Variants in MLXIP observed in about 807,000 individuals in gnomAD.
MLXIP encodes the protein MLX interacting protein.
Under a neutral mutation model 87.2 loss-of-function variants are expected in MLXIP, and 30 were observed. The observed-to-expected ratio is 0.34, with a 90% CI of 0.26 to 0.47. The LOEUF (loss-of-function observed/expected upper bound fraction) is 0.47, where lower values mean the gene tolerates loss of function less well. Ranked by LOEUF, MLXIP falls within the 20% of genes least tolerant of loss-of-function variation. The pLI is 1.00. For synonymous variants in MLXIP, 530 were observed against 514.0 expected, an observed-to-expected ratio of 1.03 and a Z score of -0.42; for missense variants, 1,002 against 1,240.1, an observed-to-expected ratio of 0.81 and a Z score of 2.88.
chr12:122,136,718 G>T (rs1170571332), intron 11 of MLXIP: 1 of 152,198 alleles, frequency 6.6e-6, no homozygotes, highest in Non-Finnish European at 1.5e-5. Context: ...ATGAGGGAGG[G>T]TCTCTGACTT....
chr12:122,080,439 A>G (rs566257463), intron 1 of MLXIP, among the ~76,000 whole-genome samples: 1 of 152,324 alleles, frequency 6.6e-6, no homozygotes, highest in African/African-American at 2.4e-5. Context: ...AAGCATATCC[A>G]GGTTTAAATG....
intron 1 of MLXIP, among the ~76,000 whole-genome samples, chr12:122,099,979 C>T (rs1240357225): frequency 2.6e-5 from 4 of 152,058 alleles, no homozygotes; most frequent in Admixed American, 6.6e-5. Flanking sequence ...GGTTATACCC[C>T]GACATTTGAA....
chr12:122,078,790 T>A lies in MLXIP; in HGVS notation c.-64T>A. On this transcript the variant is annotated 5_prime_UTR_variant, in exon 1 of 17. Coordinates refer to ENST00000319080, the MANE Select transcript of MLXIP (RefSeq NM_014938.6). ...GCGGGCCGGGCCGGGCCGGCGCCCC[T>A]CTGCCTCGCGCGCTTGTCGCGTTGC... 6.9e-6 allele frequency: 7 copies of A among 1,017,800 alleles called. No individual in the cohort carries two copies. The highest frequency in any genetic ancestry group is 8.2e-6 in the Non-Finnish European group (7 of 854,062). 63.0% of individuals were successfully genotyped at this position (1,017,800 alleles called of 1,614,324 possible).
At chr12:122,112,575 A>G (rs1471673222) in intron 1 of MLXIP, among the ~76,000 whole-genome samples, 1 of 151,838 alleles carries the variant, frequency 6.6e-6, no homozygotes, top group East Asian at 1.9e-4. Context: ...TGAACCCAGG[A>G]GGCAGAGCTT....
chr12:122,097,528 G>A (rs1565962212), intron 1 of MLXIP, among the ~76,000 whole-genome samples: 2 of 151,782 alleles, frequency 1.3e-5, no homozygotes, highest in Non-Finnish European at 2.9e-5. Context: ...GCTGAGGCGG[G>A]AGGATCTCTT....
chr12:122,087,815 T>C (rs1201074653), intron 1 of MLXIP, among the ~76,000 whole-genome samples: 1 of 152,142 alleles, frequency 6.6e-6, no homozygotes, highest in Non-Finnish European at 1.5e-5. Context: ...AGCCTCAGAC[T>C]AGGACGGTAG....
chr12:122,111,588 G>T (rs957243938), intron 1 of MLXIP, among the ~76,000 whole-genome samples: 1 of 152,204 alleles, frequency 6.6e-6, no homozygotes, highest in Non-Finnish European at 1.5e-5. Context: ...TTTGGTCAGG[G>T]TGAGGGTGGC....
In MLXIP at chr12:122,142,647, G is replaced by C. The variant is rs570400428; in HGVS notation, c.*835G>C. 1 of 278,448 alleles carries C rather than the reference G, an allele frequency of 3.6e-6. No individual in the cohort carries two copies. The highest frequency in any genetic ancestry group is 3.8e-5 in the South Asian group (1 of 26,034). The allele number at this position is 278,448 out of a possible 1,614,324, so 17.2% of individuals were successfully genotyped here. On this transcript the variant is annotated 3_prime_UTR_variant, in exon 17 of 17. Transcript: ENST00000319080. ...TCTCCACTTGGCTCCAGCTGCAGCT[G>C]TTGACAGATCAAGCATGTCCTGTGG...
At chr12:122,094,050 G>A (rs1373272475) in intron 1 of MLXIP, among the ~76,000 whole-genome samples, 1 of 147,068 alleles carries the variant, frequency 6.8e-6, no homozygotes, top group African/African-American at 2.5e-5. Context: ...TGTGTGGTGT[G>A]TGTGGTGGGT....
chr12:122,089,210 G>GAAGAAC lies in MLXIP; in HGVS notation c.413+9945_413+9950dup, dbSNP rs201637167. Among the ~76,000 whole-genome samples, 455 of 152,112 alleles carry GAAGAAC rather than the reference G, an allele frequency of 3.0e-3. 6 individuals carry two copies. Among genetic ancestry groups the GAAGAAC allele is most frequent in the East Asian group, 0.023 (117 of 5,168 alleles). On this transcript the variant is annotated intron_variant, in intron 1 of 16. Coordinates refer to ENST00000319080, the MANE Select transcript of MLXIP (RefSeq NM_014938.6). ...AGCAAACAAACAAATAGAACAGCCT[G>GAAGAAC]AAGAACCTCTTCATATGGTTACATG...
Position 122,135,034 on chromosome 12 carries a change from C to G in MLXIP, c.1733-190C>G, listed in dbSNP as rs1323572132. On this transcript the variant is annotated intron_variant, in intron 9 of 16. Coordinates refer to ENST00000319080, the MANE Select transcript of MLXIP (RefSeq NM_014938.6). This position sits in a 1 kb window ranked among gnomAD's most constrained non-coding sequence, Gnocchi z 5.3. ...AGTGTGAAAACATGGTCCTGGCCAT[C>G]TCTTTCCTGGGTCTATAACATGTCT... is the stretch of plus-strand genomic sequence containing the variant. The G allele has an allele frequency of 1.6e-6, 1 of 638,976 alleles. No homozygotes were observed. The highest frequency in any genetic ancestry group is 1.8e-5 in the African/African-American group (1 of 55,096). The allele number at this position is 638,976 out of a possible 1,614,324, so 39.6% of individuals were successfully genotyped here. A position where few individuals can be genotyped will look rare whatever the true frequency, so the allele number is the denominator to read the frequency against.
In MLXIP at chr12:122,135,557, G is replaced by A. The variant is rs369340273; in HGVS notation, c.1923G>A (p.Pro641=). The A allele has an allele frequency of 4.6e-5, 73 of 1,602,488 alleles. No homozygotes were observed. In the African/African-American group the frequency reaches 5.0e-4, roughly 11 times the overall value. The change falls in exon 11 of 17, where the codon CCG becomes CCA. Residue 641 remains proline, a synonymous_variant. Transcript: ENST00000319080. The surrounding 1 kb of genome is among the most constrained non-coding windows in gnomAD (Gnocchi z 5.3). ...ATCTCGGCCATGGCACGAGCAGCCCGCCTGCCCCCGTCTCCCGGCTCTTCC... is the reference window on the plus strand; with the variant it reads ...ATCTCGGCCATGGCACGAGCAGCCCACCTGCCCCCGTCTCCCGGCTCTTCC... ...VTDLGHGTSS[P]PAPVSRLFPS... is the part of the protein sequence containing the mutation.
intron 7 of MLXIP, among the ~76,000 whole-genome samples, chr12:122,131,349 G>A (rs1952974391): frequency 6.7e-6 from 1 of 149,148 alleles, no homozygotes; most frequent in Admixed American, 6.7e-5. Flanking sequence ...CCTTTCTACA[G>A]AAAAAAAGGT....
chr12:122,094,065 G>T (rs1402201238), intron 1 of MLXIP, among the ~76,000 whole-genome samples: 1 of 142,862 alleles, frequency 7.0e-6, no homozygotes, highest in African/African-American at 2.6e-5. Context: ...GTGGGTTTGC[G>T]GTGTCTGGTG....
chr12:122,103,063 G>A (rs1029973790), intron 1 of MLXIP, among the ~76,000 whole-genome samples: 3 of 152,160 alleles, frequency 2.0e-5, no homozygotes, highest in African/African-American at 7.2e-5. Context: ...AAGTGCAGCG[G>A]CATGATCACG....
In MLXIP at chr12:122,145,430, A is replaced by C. The variant is rs1330459253; in HGVS notation, c.*3618A>C. On this transcript the variant is annotated 3_prime_UTR_variant, in exon 17 of 17. Transcript: ENST00000319080. ...GATTCTTAGAGGGCATGGCACCCCC[A>C]GTCCCTGCCCAGATAAAGTAGCACA... 1 of 152,318 alleles carries C rather than the reference A, an allele frequency of 6.6e-6. No homozygotes were observed. The highest frequency in any genetic ancestry group is 1.9e-4 in the East Asian group (1 of 5,200). 9.4% of individuals were successfully genotyped at this position (152,318 alleles called of 1,614,324 possible).
At position 122,137,491 on chromosome 12, in the gene MLXIP, G is replaced by A. The variant is rs748423072; in HGVS notation, c.2055G>A (p.Gly685=). Residue 685 remains glycine (G), a synonymous_variant, in exon 12 of 17, where the codon GGG becomes GGA. Coordinates refer to ENST00000319080, the MANE Select transcript of MLXIP (RefSeq NM_014938.6). This position sits in a 1 kb window ranked among gnomAD's most constrained non-coding sequence, Gnocchi z 4.1. ...TGPSRDCPNS[G]QASPCASEQS... ...CAGGTCGGGACTGCCCAAACTCAGG[G>A]CAGGCCTCTCCGTGTGCATCGGAGC... 1.2e-6 allele frequency: 2 copies of A among 1,613,950 alleles called. No homozygotes were observed. Among genetic ancestry groups the A allele is most frequent in the Admixed American group, 1.7e-5 (1 of 60,014 alleles).
At chr12:122,114,848 C>T (rs993893299) in intron 1 of MLXIP, among the ~76,000 whole-genome samples, 8 of 150,638 alleles carry the variant, frequency 5.3e-5, no homozygotes, top group Non-Finnish European at 1.2e-4. Context: ...CGGGTTCAAG[C>T]GATTCTCCTG....
chr12:122,114,762 G>GC (rs1565973134), intron 1 of MLXIP, among the ~76,000 whole-genome samples: 1 of 149,594 alleles, frequency 6.7e-6, no homozygotes, highest in African/African-American at 2.4e-5. Context: ...TTTTGGTGGG[G>GC]GGGGACAGGG....
Sources: allele counts gnomAD v4.1 joint callset (sites outside exome capture counted in the v4.1 genomes callset), GRCh38; gene constraint gnomAD v4.1.1; non-coding constraint Gnocchi (gnomAD v3.1); transcripts MANE v1.5; gene names NCBI Gene and HGNC (gene_info 2026-07-23, HGNC 2026-07-21).